Variants in KIAA0232 observed in about 807,000 individuals in gnomAD.
KIAA0232 encodes uncharacterized protein KIAA0232.
Under a neutral mutation model 122.0 loss-of-function variants are expected in KIAA0232, and 27 were observed. The ratio of observed to expected loss-of-function variants is 0.22; its 90% confidence interval spans 0.16 to 0.31. The LOEUF (loss-of-function observed/expected upper bound fraction) is 0.31. Ranked by LOEUF, KIAA0232 falls within the 10% of genes least tolerant of loss-of-function variation. The pLI is 1.00. For synonymous variants in KIAA0232, 613 were observed against 587.6 expected (o/e 1.04, Z -0.63); for missense variants, 1,551 against 1,634.2 (o/e 0.95, Z 0.88).
chr4:6,851,932 C>A (rs1173971527), intron 4 of KIAA0232, among the ~76,000 whole-genome samples: 1 of 152,162 alleles, frequency 6.6e-6, no homozygotes, highest in East Asian at 1.9e-4. Context: ...CTTTATGTTA[C>A]ATCACCCTGC....
At chr4:6,846,682 G>C (rs1187853131) in intron 4 of KIAA0232, among the ~76,000 whole-genome samples, 2 of 151,882 alleles carry the variant, frequency 1.3e-5, no homozygotes, top group Non-Finnish European at 1.5e-5. Flanking sequence ...TTTAACTATT[G>C]CCTGCTGCAA....
At chr4:6,840,045 CG>C (rs1560185731) in intron 3 of KIAA0232, among the ~76,000 whole-genome samples, 2 of 152,022 alleles carry the variant, frequency 1.3e-5, no homozygotes, top group Non-Finnish European at 2.9e-5. Flanking sequence ...AATTGGCTTA[CG>C]GGGGAAAAAA....
intron 3 of KIAA0232, among the ~76,000 whole-genome samples, chr4:6,830,225 G>A (rs1474183387): frequency 1.3e-5 from 2 of 152,046 alleles, no homozygotes; most frequent in Admixed American, 6.6e-5. Context: ...TTTCATAAGT[G>A]GAGATAGTGA....
Position 6,854,221 on chromosome 4 carries a change from C to G in KIAA0232, c.370-2943C>G, listed in dbSNP as rs576793566. ...TTAAGTGACTAAGGTGACAGGGACT[C>G]TGGATGCCTCACATGTGTCATGTTA... On this transcript the variant is annotated intron_variant, in intron 4 of 9. Coordinates refer to ENST00000307659, the MANE Select transcript of KIAA0232 (RefSeq NM_014743.3). Among the ~76,000 whole-genome samples, 11 of 152,288 alleles carry G rather than the reference C, an allele frequency of 7.2e-5. No homozygotes were observed. The East Asian group carries it at 1.9e-3, about 27-fold the overall frequency.
At chr4:6,818,896 G>A (rs762190581) in intron 2 of KIAA0232, among the ~76,000 whole-genome samples, 1 of 152,000 alleles carries the variant, frequency 6.6e-6, no homozygotes, top group Non-Finnish European at 1.5e-5. Context: ...CCAATGGAAC[G>A]GAATAGAGAA....
chr4:6,789,570 C>G (rs1158942358), intron 1 of KIAA0232, among the ~76,000 whole-genome samples: 1 of 152,128 alleles, frequency 6.6e-6, no homozygotes, highest in Non-Finnish European at 1.5e-5. Context: ...CCGTGCCTGG[C>G]CAGTCATCTC....
chr4:6,793,847 A>G (rs35039707), intron 1 of KIAA0232, among the ~76,000 whole-genome samples: 6,572 of 152,268 alleles, frequency 0.043, 444 homozygotes, highest in African/African-American at 0.15. Flanking sequence ...CAAATGAGGA[A>G]GCTACAACTC....
chr4:6,860,389 T>C (rs1720788739), intron 6 of KIAA0232, among the ~76,000 whole-genome samples: 1 of 152,232 alleles, frequency 6.6e-6, no homozygotes, highest in African/African-American at 2.4e-5. Context: ...GCTCATACTC[T>C]TGACTGATTG....
intron 1 of KIAA0232, among the ~76,000 whole-genome samples, chr4:6,798,050 T>TC (rs1717213585): frequency 2.1e-5 from 3 of 146,008 alleles, no homozygotes; most frequent in African/African-American, 7.7e-5. Context: ...AGAGCCAGAC[T>TC]CCGTCTCAAA....
chr4:6,818,826 ATACTG>A (rs1451953908), intron 2 of KIAA0232, among the ~76,000 whole-genome samples: 1 of 152,180 alleles, frequency 6.6e-6, no homozygotes, highest in African/African-American at 2.4e-5. Flanking sequence ...ACTTCAAACT[ATACTG>A]TAAGGCTACA....
Position 6,881,531 on chromosome 4 carries a change from AAG to A in KIAA0232, c.*567_*568del, listed in dbSNP as rs1722072620. The A allele has an allele frequency of 6.6e-6, 1 of 152,636 alleles. No individual in the cohort carries two copies. The highest frequency in any genetic ancestry group is 2.1e-4 in the South Asian group (1 of 4,834). 9.5% of individuals were successfully genotyped at this position (152,636 alleles called of 1,614,324 possible). On this transcript the variant is annotated 3_prime_UTR_variant, in exon 10 of 10. Coordinates refer to ENST00000307659, the MANE Select transcript of KIAA0232 (RefSeq NM_014743.3). Reference sequence around the variant, plus strand: ...TAGGAACCGCAGAGGTGTGCTTTTCAAGACTCACCAAATACTGTGTTTTCTCT... The same window carrying A: ...TAGGAACCGCAGAGGTGTGCTTTTCAACTCACCAAATACTGTGTTTTCTCT...
At chr4:6,821,822 G>T (rs553193381) in intron 2 of KIAA0232, among the ~76,000 whole-genome samples, 2 of 151,954 alleles carry the variant, frequency 1.3e-5, no homozygotes, top group African/African-American at 4.8e-5. Flanking sequence ...AAATACGAAC[G>T]AGTGTGCAAG....
chr4:6,799,621 C>G (rs769032362), intron 1 of KIAA0232, among the ~76,000 whole-genome samples: 5 of 152,054 alleles, frequency 3.3e-5, no homozygotes, highest in Non-Finnish European at 5.9e-5. Flanking sequence ...TAGAAAGACT[C>G]TTATAATAGA....
At chr4:6,805,194 T>A (rs1717561949) in intron 2 of KIAA0232, among the ~76,000 whole-genome samples, 1 of 152,330 alleles carries the variant, frequency 6.6e-6, no homozygotes, top group African/African-American at 2.4e-5. Flanking sequence ...AGAATTACTA[T>A]AGTTATCTTC....
At chr4:6,873,547 AT>A (rs113071314) in intron 8 of KIAA0232, among the ~76,000 whole-genome samples, 2,169 of 152,290 alleles carry the variant, frequency 0.014, 53 homozygotes, top group African/African-American at 0.049. Context: ...GCATAGGATG[AT>A]TTTGAGACAC....
At chr4:6,864,257 A>G (rs760150615) in intron 7 of KIAA0232, 74 bp downstream of exon 7, 36 of 1,452,688 alleles carry the variant, frequency 2.5e-5, no homozygotes, top group South Asian at 7.0e-5. Flanking sequence ...ATGCCAGTCA[A>G]TGAAAGATAG....
Position 6,816,555 on chromosome 4 carries a change from T to G in KIAA0232, c.-269-7630T>G, listed in dbSNP as rs987209455. On this transcript the variant is annotated intron_variant, in intron 2 of 9. Transcript: ENST00000307659. ...CCTCGGCCTCCCAAAGTGCTGGGAT[T>G]ACAGGCGTGAGCCACCTCGCTCAGC... 3.3e-5 allele frequency among the ~76,000 whole-genome samples: 5 copies of G among 152,354 alleles called. No individual in the cohort carries two copies. The East Asian group carries it at 9.6e-4, about 29-fold the overall frequency.
chr4:6,798,579 G>T (rs1577356781), intron 1 of KIAA0232, among the ~76,000 whole-genome samples: 1 of 152,062 alleles, frequency 6.6e-6, no homozygotes, highest in Non-Finnish European at 1.5e-5. Flanking sequence ...TTTGAGACAG[G>T]GTCTCGCTGT....
chr4:6,869,245 T>C (rs1379903446), intron 7 of KIAA0232, among the ~76,000 whole-genome samples: 1 of 152,226 alleles, frequency 6.6e-6, no homozygotes, highest in Non-Finnish European at 1.5e-5. Flanking sequence ...CAAGAAAGGA[T>C]GAAAAGATAA....
Sources: gnomAD v4.1 joint callset for allele counts (sites outside exome capture counted in the v4.1 genomes callset) on GRCh38, gnomAD v4.1.1 for gene constraint, MANE v1.5 for transcripts, NCBI Gene and HGNC (gene_info 2026-07-23, HGNC 2026-07-21) for gene names.